The following DNAH11 variants were observed in gnomAD, a reference collection of about 807,000 sequenced individuals.
DNAH11 encodes the protein axonemal beta dynein heavy chain 11.
In DNAH11, 442 loss-of-function variants were observed where a neutral mutation model predicts 526.0. That is an observed-to-expected ratio of 0.84 (90% confidence interval 0.78 to 0.91). The LOEUF is 0.91. Ranked by LOEUF, DNAH11 falls within the 40% of genes least tolerant of loss-of-function variation. The pLI, the probability that DNAH11 is intolerant of heterozygous loss-of-function variation, is 0.00. For synonymous variants in DNAH11, 2,461 were observed against 1,935.9 expected (o/e 1.27, Z -7.12); for missense variants, 6,989 against 5,448.7 (o/e 1.28, Z -8.90).
chr7:21,895,248 A>C (rs1051055239), intron 79 of DNAH11, among the ~76,000 whole-genome samples: 2 of 152,246 alleles, frequency 1.3e-5, no homozygotes, highest in African/African-American at 4.8e-5. Flanking sequence ...ACATGATCTT[A>C]GACAAAATAA....
At chr7:21,789,801 C>CTTT (rs1554281397) in intron 61 of DNAH11, among the ~76,000 whole-genome samples, 1,372 of 65,162 alleles carry the variant, frequency 0.021, 11 homozygotes, top group African/African-American at 0.051. Flanking sequence ...TTCTTTCTTT[C>CTTT]TTTCTTTTTT....
Position 21,721,883 on chromosome 7 carries a change from T to A in DNAH11, c.7266+1027T>A, listed in dbSNP as rs539337957. ...GTCTCACACACTATTCCCAGGATAG[T>A]CATTTGTGAACCATAGTCAACCCTG... On this transcript the variant is annotated intron_variant, in intron 44 of 81. Coordinates refer to ENST00000409508, the MANE Select transcript of DNAH11 (RefSeq NM_001277115.2). Among the ~76,000 whole-genome samples the A allele has an allele frequency of 3.7e-4, 56 of 152,262 alleles. 1 individual carries two copies. Among genetic ancestry groups the A allele is most frequent in the Middle Eastern group, 3.4e-3 (1 of 294 alleles).
intron 56 of DNAH11, among the ~76,000 whole-genome samples, chr7:21,777,817 A>C (rs1236724603): frequency 6.6e-6 from 1 of 152,218 alleles, no homozygotes; most frequent in Non-Finnish European, 1.5e-5. Context: ...CATAGTAGTA[A>C]TCATGCTTTT....
At chr7:21,896,703 G>C (rs1035840181) in intron 79 of DNAH11, among the ~76,000 whole-genome samples, 2 of 152,072 alleles carry the variant, frequency 1.3e-5, no homozygotes, top group African/African-American at 2.4e-5. Context: ...TATACTTGTA[G>C]ACTTCATCAG....
intron 28 of DNAH11, among the ~76,000 whole-genome samples, chr7:21,642,737 T>C (rs965413769): frequency 1.3e-5 from 2 of 151,986 alleles, no homozygotes; most frequent in African/African-American, 4.8e-5. Context: ...CATTTAAGAG[T>C]GTTGGTCCAA....
At chr7:21,648,742 G>T (rs1362877044) in intron 28 of DNAH11, among the ~76,000 whole-genome samples, 1 of 152,060 alleles carries the variant, frequency 6.6e-6, no homozygotes. Context: ...TGTGTATGTG[G>T]ATATATATTC....
At chr7:21,782,023 A>G (rs1186287412) in intron 57 of DNAH11, among the ~76,000 whole-genome samples, 2 of 152,168 alleles carry the variant, frequency 1.3e-5, no homozygotes, top group African/African-American at 4.8e-5. Flanking sequence ...TAACCTGATC[A>G]CCTTGTAAAG....
rs765087313 is a variant in DNAH11 at position 21,866,589 on chromosome 7, G to A, written c.11616G>A (p.Trp3872Ter). 2.5e-6 allele frequency: 4 copies of A among 1,613,926 alleles called. No individual in the cohort carries two copies. In the South Asian group the frequency reaches 4.4e-5, roughly 18 times the overall value. The change falls in exon 71 of 82, where the codon TGG (tryptophan) becomes TGA (stop). Residue 3872 changes from tryptophan to a stop codon, truncating the protein, a stop_gained. Coordinates refer to ENST00000409508, the MANE Select transcript of DNAH11 (RefSeq NM_001277115.2). LOFTEE classifies it high-confidence loss of function. ...CPEKEKLPQEWKKKSLIQKLI... is the reference protein window; with the variant it reads ...CPEKEKLPQE ...AAAAAGAAAAATTACCTCAAGAATG[G>A]AAGAAGAAAAGTTTAATACAGAAGC... is the stretch of plus-strand genomic sequence containing the variant.
rs761918179 is a variant in DNAH11, at chr7:21,717,775, G to T, written c.6984G>T (p.Pro2328=). 63 of 1,613,504 alleles carry T rather than the reference G, an allele frequency of 3.9e-5. No homozygotes were observed. The highest frequency in any genetic ancestry group is 1.3e-5 in the African/African-American group (1 of 74,872). Residue 2328 remains proline, a splice_region_variant and synonymous_variant, in exon 43 of 82, where the codon CCG becomes CCT. Coordinates refer to ENST00000409508, the MANE Select transcript of DNAH11 (RefSeq NM_001277115.2). ...AAAGCTTTTCTGTGTTCCTTTTCAGGTATGTGGCCAGTTGGATAGACAGAA... is the reference window on the plus strand; with the variant it reads ...AAAGCTTTTCTGTGTTCCTTTTCAGTTATGTGGCCAGTTGGATAGACAGAA... ...YVNPQDLGWN[P]YVASWIDRRR... is the part of the protein sequence containing the mutation.
intron 45 of DNAH11, among the ~76,000 whole-genome samples, chr7:21,732,440 G>C (rs1372838818): frequency 6.6e-6 from 1 of 152,096 alleles, no homozygotes; most frequent in Non-Finnish European, 1.5e-5. Context: ...CGGGGTTAGG[G>C]CTTCACGACA....
rs189020825 is a variant in DNAH11 at position 21,901,797 on chromosome 7, G to A, written c.*543G>A. 6.1e-6 allele frequency: 1 copy of A among 163,688 alleles called. No individual in the cohort carries two copies. Among genetic ancestry groups the A allele is most frequent in the East Asian group, 1.6e-4 (1 of 6,080 alleles). The allele number at this position is 163,688 out of a possible 1,614,324, so 10.1% of individuals were successfully genotyped here. ...TCTACAATGTTGATGGTCCCCTTTTGTTCAGTCAAGTTTTAATAAAAATAA... is the reference window on the plus strand; with the variant it reads ...TCTACAATGTTGATGGTCCCCTTTTATTCAGTCAAGTTTTAATAAAAATAA... On this transcript the variant is annotated 3_prime_UTR_variant, in exon 82 of 82. Transcript: ENST00000409508.
chr7:21,608,117 C>T (rs76531781), intron 20 of DNAH11, among the ~76,000 whole-genome samples: 9,983 of 150,938 alleles, frequency 0.066, 434 homozygotes, highest in African/African-American at 0.12. Context: ...AACTTTTAAC[C>T]ATAGTCAAGG....
In DNAH11 at chr7:21,852,708, G is replaced by C. The variant is rs1173553516; in HGVS notation, c.11061+77G>C. 3.5e-6 allele frequency: 5 copies of C among 1,446,920 alleles called. No homozygotes were observed. The South Asian group carries it at 8.1e-5, about 23-fold the overall frequency. The allele number at this position is 1,446,920 out of a possible 1,614,324, so 89.6% of individuals were successfully genotyped here. A position where few individuals can be genotyped will look rare whatever the true frequency, so the allele number is the denominator to read the frequency against. On this transcript the variant is annotated intron_variant, in intron 67 of 81. Transcript: ENST00000409508. ...ACATGTGGGGTGGGCAGTGTGATCA[G>C]ACTTGGTAATTCCTCTAAGAGGACC...
chr7:21,864,479 G>A, intron 69 of DNAH11, 56 bp from the exon 70 acceptor site: 4 of 1,575,240 alleles, frequency 2.5e-6, no homozygotes, highest in Non-Finnish European at 3.4e-6. Context: ...ACTACTTCCT[G>A]TGTGACGATT....
intron 57 of DNAH11, among the ~76,000 whole-genome samples, chr7:21,781,773 TG>T (rs1037789873): frequency 1.3e-5 from 2 of 152,200 alleles, no homozygotes; most frequent in Admixed American, 1.3e-4. Flanking sequence ...TGGGGTATTT[TG>T]GGAGATTGGG....
At chr7:21,771,507 G>C (rs1048193449) in intron 55 of DNAH11, among the ~76,000 whole-genome samples, 1 of 152,152 alleles carries the variant, frequency 6.6e-6, no homozygotes, top group Non-Finnish European at 1.5e-5. Context: ...CCAACTGAGA[G>C]AGTAGAAATT....
intron 18 of DNAH11, among the ~76,000 whole-genome samples, chr7:21,602,092 C>T (rs768006834): frequency 6.6e-6 from 1 of 152,024 alleles, no homozygotes; most frequent in Non-Finnish European, 1.5e-5. Flanking sequence ...GTAATCCCAG[C>T]ACTGTGAGAG....
At chr7:21,783,990 A>G (rs1207326954) in intron 57 of DNAH11, among the ~76,000 whole-genome samples, 1 of 152,254 alleles carries the variant, frequency 6.6e-6, no homozygotes, top group Non-Finnish European at 1.5e-5. Flanking sequence ...AATAGCCAAC[A>G]TGGCTTCTAA....
chr7:21,854,479 T>C (rs757872051), intron 68 of DNAH11, 24 bp downstream of exon 68: 1 of 1,605,762 alleles, frequency 6.2e-7, no homozygotes, highest in Non-Finnish European at 8.5e-7. Flanking sequence ...AGCTAAGAAA[T>C]ATGGGAAACT....
Sources: gnomAD v4.1 joint callset for allele counts (sites outside exome capture counted in the v4.1 genomes callset) on GRCh38, gnomAD v4.1.1 for gene constraint, MANE v1.5 for transcripts, NCBI Gene and HGNC (gene_info 2026-07-23, HGNC 2026-07-21) for gene names.